The following PPP2R2C variants were observed in gnomAD, a reference collection of about 807,000 sequenced individuals.
PPP2R2C encodes the protein protein phosphatase 2 regulatory subunit Bgamma.
Under a neutral mutation model 45.3 loss-of-function variants are expected in PPP2R2C, and 10 were observed. That is an observed-to-expected ratio of 0.22 (90% CI 0.14 to 0.37). The LOEUF is 0.37. Ranked by LOEUF, PPP2R2C falls within the 10% of genes least tolerant of loss-of-function variation. PPP2R2C has a pLI of 1.00. For synonymous variants in PPP2R2C, 257 were observed against 245.4 expected (o/e 1.05, Z -0.44); for missense variants, 308 against 619.7 (o/e 0.50, Z 5.34).
chr4:6,381,452 C>A (rs1432164404), intron 1 of PPP2R2C: 1 of 1,374,112 alleles, frequency 7.3e-7, no homozygotes, highest in East Asian at 3.0e-5. Context: ...ATCTCCCACA[C>A]CTACCCCTGC....
chr4:6,403,819 C>T (rs1717607574), intron 1 of PPP2R2C, among the ~76,000 whole-genome samples: 2 of 150,774 alleles, frequency 1.3e-5, no homozygotes, highest in Admixed American at 1.3e-4. Context: ...GCAGAGATTG[C>T]GCCGCTGCAC....
At chr4:6,459,708 G>A (rs998230772) in intron 1 of PPP2R2C, among the ~76,000 whole-genome samples, 1 of 152,136 alleles carries the variant, frequency 6.6e-6, no homozygotes, top group Non-Finnish European at 1.5e-5. Flanking sequence ...AATTGCTTGA[G>A]CCTGGGAGGC....
intron 1 of PPP2R2C, among the ~76,000 whole-genome samples, chr4:6,557,294 A>C (rs1024839193): frequency 6.6e-6 from 1 of 152,148 alleles, no homozygotes; most frequent in Non-Finnish European, 1.5e-5. Context: ...CAACATCTAC[A>C]ACAACAGGAA....
intron 5 of PPP2R2C, among the ~76,000 whole-genome samples, chr4:6,360,316 G>A (rs867448219): frequency 3.9e-5 from 6 of 152,364 alleles, no homozygotes; most frequent in Middle Eastern, 3.4e-3. Context: ...CTTTCCCCAT[G>A]GGGTGGGCAC....
intron 1 of PPP2R2C, among the ~76,000 whole-genome samples, chr4:6,470,539 GA>G (rs1345413159): frequency 2.6e-5 from 4 of 152,228 alleles, no homozygotes. Context: ...CTTGCTCCAG[GA>G]AGCCAGACCA....
intron 2 of PPP2R2C, among the ~76,000 whole-genome samples, chr4:6,489,966 G>A (rs1367973471): frequency 6.6e-6 from 1 of 152,174 alleles, no homozygotes; most frequent in African/African-American, 2.4e-5. Context: ...GCCAGCCTTG[G>A]GGAAATTTGG....
At chr4:6,506,290 A>C (rs1723231294) in intron 2 of PPP2R2C, among the ~76,000 whole-genome samples, 1 of 152,264 alleles carries the variant, frequency 6.6e-6, no homozygotes, top group African/African-American at 2.4e-5. Context: ...AACTCATCAA[A>C]TTGAACACGT....
chr4:6,358,181 A>G (rs549905617), intron 5 of PPP2R2C, among the ~76,000 whole-genome samples: 2 of 152,168 alleles, frequency 1.3e-5, no homozygotes, highest in East Asian at 1.9e-4. Flanking sequence ...AAATAACACC[A>G]CATATCTACA....
chr4:6,362,729 A>G (rs1220859595), intron 5 of PPP2R2C, among the ~76,000 whole-genome samples: 1 of 152,198 alleles, frequency 6.6e-6, no homozygotes, highest in African/African-American at 2.4e-5. Flanking sequence ...CAACAGCGGC[A>G]TCTTGCATTT....
chr4:6,425,282 C>CA (rs1360736090), intron 1 of PPP2R2C, among the ~76,000 whole-genome samples: 1 of 152,212 alleles, frequency 6.6e-6, no homozygotes, highest in Admixed American at 6.5e-5. Flanking sequence ...CTGACACGTC[C>CA]AGTGTGAGCA....
chr4:6,330,244 C>T lies in PPP2R2C; in HGVS notation c.961-891G>A, dbSNP rs965178456. On this transcript the variant is annotated intron_variant, in intron 7 of 8. Transcript: ENST00000382599. This position sits in a 1 kb window ranked among gnomAD's most constrained non-coding sequence, Gnocchi z 7.0. ...AGCTGCCAGGACAACAGGGCACGGGCTCTGCCCTCTGGGTGCGGAAGGGAA... is the reference window on the plus strand; with the variant it reads ...AGCTGCCAGGACAACAGGGCACGGGTTCTGCCCTCTGGGTGCGGAAGGGAA... 6.6e-6 allele frequency among the ~76,000 whole-genome samples: 1 copy of T among 152,224 alleles called. No homozygotes were observed. Among genetic ancestry groups the T allele is most frequent in the African/African-American group, 2.4e-5 (1 of 41,464 alleles).
chr4:6,383,064 T>C, intron 1 of PPP2R2C: 2 of 1,095,050 alleles, frequency 1.8e-6, no homozygotes, highest in South Asian at 2.4e-5. Context: ...GGCTTGTCCC[T>C]GTGTTTTGCT....
intron 1 of PPP2R2C, among the ~76,000 whole-genome samples, chr4:6,445,839 T>C (rs1052135313): frequency 6.6e-6 from 1 of 152,230 alleles, no homozygotes; most frequent in African/African-American, 2.4e-5. Flanking sequence ...CATGATGTTC[T>C]AAGGGAGGGC....
In PPP2R2C at chr4:6,329,169, A is replaced by G. The variant is rs1435846232; in HGVS notation, c.1052+93T>C. On this transcript the variant is annotated intron_variant, in intron 8 of 8. Transcript: ENST00000382599. The surrounding 1 kb of genome is among the most constrained non-coding windows in gnomAD (Gnocchi z 5.8). ...GGACCCATTGAGGCTGAGTAGCCCC[A>G]TGCTGCGGGTCACCGGAATCCCAGC... 1 of 1,229,364 alleles carries G rather than the reference A, an allele frequency of 8.1e-7. No individual in the cohort carries two copies. The highest frequency in any genetic ancestry group is 1.2e-6 in the Non-Finnish European group (1 of 851,744). The allele number at this position is 1,229,364 out of a possible 1,614,324, so 76.2% of individuals were successfully genotyped here. A position where few individuals can be genotyped will look rare whatever the true frequency, so the allele number is the denominator to read the frequency against.
intron 7 of PPP2R2C, among the ~76,000 whole-genome samples, chr4:6,333,333 G>C (rs1374076786): frequency 6.6e-6 from 1 of 152,192 alleles, no homozygotes; most frequent in Non-Finnish European, 1.5e-5. Context: ...GCCCTGGACT[G>C]CAGGCCTTGC....
chr4:6,542,312 A>T (rs1724825356), intron 1 of PPP2R2C, among the ~76,000 whole-genome samples: 1 of 152,252 alleles, frequency 6.6e-6, no homozygotes, highest in South Asian at 2.1e-4. Flanking sequence ...CATCTTCAAA[A>T]AGATTAATAA....
At chr4:6,478,633 A>G (rs1240085500) in intron 2 of PPP2R2C, among the ~76,000 whole-genome samples, 2 of 151,964 alleles carry the variant, frequency 1.3e-5, no homozygotes, top group East Asian at 3.9e-4. Flanking sequence ...CCTGCCTGCT[A>G]CCTCCCCCTT....
chr4:6,502,499 TTCCCTCTC>T (rs1205067908), intron 2 of PPP2R2C, among the ~76,000 whole-genome samples: 1 of 151,816 alleles, frequency 6.6e-6, no homozygotes, highest in Non-Finnish European at 1.5e-5. Context: ...CCCTCCCTTT[TTCCCTCTC>T]TCCCTCTCTC....
intron 1 of PPP2R2C, chr4:6,382,237 G>C (rs937490567): frequency 2.5e-6 from 3 of 1,211,958 alleles, no homozygotes; most frequent in Admixed American, 3.1e-5. Flanking sequence ...GTAGGAGCCC[G>C]GGATGGCCCG....
Sources: allele counts gnomAD v4.1 joint callset (sites outside exome capture counted in the v4.1 genomes callset), GRCh38; gene constraint gnomAD v4.1.1; non-coding constraint Gnocchi (gnomAD v3.1); transcripts MANE v1.5; gene names NCBI Gene and HGNC (gene_info 2026-07-23, HGNC 2026-07-21).